Variants in GPR26 observed in about 807,000 individuals in gnomAD.
GPR26 encodes the protein G protein-coupled receptor 26.
GPR26 carries 15 observed loss-of-function variants against 23.1 expected under a neutral mutation model. The observed-to-expected ratio is 0.65, with a 90% CI of 0.43 to 1.00. The LOEUF (loss-of-function observed/expected upper bound fraction) is 1.00. GPR26 is among the 50% of genes least tolerant of loss of function. GPR26 has a pLI of 0.00. For missense variants in GPR26, 359 were observed against 470.5 expected (o/e 0.76, Z 2.19); for synonymous variants, 228 against 222.1 (o/e 1.03, Z -0.24).
intron 2 of GPR26, among the ~76,000 whole-genome samples, chr10:123,686,432 A>G (rs1845430851): frequency 6.6e-6 from 1 of 152,178 alleles, no homozygotes; most frequent in Non-Finnish European, 1.5e-5. Context: ...GAGGAGACAT[A>G]GCCACAGTCC....
In GPR26 at chr10:123,689,750, G is replaced by A. The variant is rs1204419414; in HGVS notation, c.*1590G>A. 6 of 152,290 alleles carry A rather than the reference G, an allele frequency of 3.9e-5. No homozygotes were observed. The highest frequency in any genetic ancestry group is 1.9e-4 in the East Asian group (1 of 5,186). The allele number at this position is 152,290 out of a possible 1,614,324, so 9.4% of individuals were successfully genotyped here. ...TATCTGCATCTTTATTTGAAAAGAC[G>A]TCTTATTAACTCTTAGCTCCTCAGT... On this transcript the variant is annotated 3_prime_UTR_variant, in exon 3 of 3. Transcript: ENST00000284674.
At chr10:123,672,942 G>C (rs149267510) in intron 1 of GPR26, among the ~76,000 whole-genome samples, 16 of 152,218 alleles carry the variant, frequency 1.1e-4, no homozygotes, top group Admixed American at 3.9e-4. Context: ...GGACCATGAT[G>C]ATATCAGTCC....
chr10:123,688,203 GAGA>G lies in GPR26; in HGVS notation c.*49_*51del, dbSNP rs758068433. 1 of 644,676 alleles carries G rather than the reference GAGA, an allele frequency of 1.6e-6. No individual in the cohort carries two copies. Among genetic ancestry groups the G allele is most frequent in the Non-Finnish European group, 2.7e-6 (1 of 376,114 alleles). The allele number at this position is 644,676 out of a possible 1,614,324, so 39.9% of individuals were successfully genotyped here. On this transcript the variant is annotated 3_prime_UTR_variant, in exon 3 of 3. Coordinates refer to ENST00000284674, the MANE Select transcript of GPR26 (RefSeq NM_153442.4). ...GAAGAGTTTAGAATGAGGCAGCGGTGAGAAGAAGGGTGGGAGGGCGTGGGGGCC... is the reference window on the plus strand; with the variant it reads ...GAAGAGTTTAGAATGAGGCAGCGGTGAGAAGGGTGGGAGGGCGTGGGGGCC...
At position 123,666,913 on chromosome 10, in the gene GPR26, T is replaced by A; in HGVS notation, c.506T>A (p.Phe169Tyr). The change falls in exon 1 of 3, where the codon TTC (phenylalanine) becomes TAC (tyrosine). Residue 169 changes from phenylalanine (F) to tyrosine (Y), a missense_variant. Transcript: ENST00000284674. The part of the protein sequence containing the change: ...CSRRPDERLR[F>Y]AVFTGAFHAL... ...CGGCGGCCAGACGAGCGCCTGCGCT[T>A]CGCCGTCTTCACTGGCGCCTTCCAC... 1.2e-6 allele frequency: 2 copies of A among 1,613,130 alleles called. No individual in the cohort carries two copies. The highest frequency in any genetic ancestry group is 1.1e-5 in the South Asian group (1 of 91,064).
chr10:123,679,524 G>A (rs973527860), intron 2 of GPR26, among the ~76,000 whole-genome samples: 8 of 152,294 alleles, frequency 5.3e-5, no homozygotes, highest in East Asian at 3.9e-4. Context: ...GCTTTAAGGC[G>A]CCTCAGATGA....
chr10:123,666,416 G>A lies in GPR26; in HGVS notation c.9G>A (p.Ser3=). 6.7e-7 allele frequency: 1 copy of A among 1,501,300 alleles called. No homozygotes were observed. Among genetic ancestry groups the A allele is most frequent in the Non-Finnish European group, 8.8e-7 (1 of 1,135,004 alleles). The allele number at this position is 1,501,300 out of a possible 1,614,324, so 93.0% of individuals were successfully genotyped here. ...GGCGCGGGGCGCGCACCATGAACTC[G>A]TGGGACGCGGGCCTGGCGGGGCTAC... MN[S]WDAGLAGLLV... The change falls in exon 1 of 3, where the codon TCG becomes TCA. Residue 3 remains serine, a synonymous_variant. Transcript: ENST00000284674.
rs1181430304 is a variant in GPR26, at chr10:123,693,435, C to G, written c.*5275C>G. 1 of 152,408 alleles carries G rather than the reference C, an allele frequency of 6.6e-6. No homozygotes were observed. Among genetic ancestry groups the G allele is most frequent in the African/African-American group, 2.4e-5 (1 of 41,436 alleles). 9.4% of individuals were successfully genotyped at this position (152,408 alleles called of 1,614,324 possible). A position where few individuals can be genotyped will look rare whatever the true frequency, so the allele number is the denominator to read the frequency against. ...GCCGGGAGAACTGACTTAGAGGGCC[C>G]TGGTGTTGGCTCTGGAACCTGGGCT... On this transcript the variant is annotated 3_prime_UTR_variant, in exon 3 of 3. Coordinates refer to ENST00000284674, the MANE Select transcript of GPR26 (RefSeq NM_153442.4).
At chr10:123,668,154 G>T (rs909916020) in intron 1 of GPR26, among the ~76,000 whole-genome samples, 1 of 152,140 alleles carries the variant, frequency 6.6e-6, no homozygotes, top group East Asian at 1.9e-4. Flanking sequence ...GGGGAGCCTC[G>T]GGGCAGAGGA....
intron 2 of GPR26, among the ~76,000 whole-genome samples, chr10:123,685,912 G>T (rs1392588080): frequency 6.6e-6 from 1 of 152,196 alleles, no homozygotes; most frequent in Non-Finnish European, 1.5e-5. Context: ...TACGGTTAGA[G>T]ATTGTACACA....
In GPR26 at chr10:123,688,046, G is replaced by GT; in HGVS notation, c.901dup (p.Tyr301LeufsTer37). 6.2e-7 allele frequency: 1 copy of GT among 1,614,068 alleles called. No homozygotes were observed. The highest frequency in any genetic ancestry group is 1.1e-5 in the South Asian group (1 of 91,086). On this transcript the variant is annotated frameshift_variant, in exon 3 of 3. Coordinates refer to ENST00000284674, the MANE Select transcript of GPR26 (RefSeq NM_153442.4). LOFTEE classifies it high-confidence loss of function. ...TTGTGTACTCCTTACTGCGACACCA[G>GT]TACCGCAAAAGCTGCAAGGAGATTC...
Position 123,666,938 on chromosome 10 carries a change from C to T in GPR26, c.531C>T (p.His177=), listed in dbSNP as rs1564728860. The change falls in exon 1 of 3, where the codon CAC becomes CAT. Residue 177 remains histidine (H), a synonymous_variant. Transcript: ENST00000284674. ...TCGCCGTCTTCACTGGCGCCTTCCA[C>T]GCTCTCAGCTTCCTGCTCTCCTTCG... is the stretch of plus-strand genomic sequence containing the variant. ...LRFAVFTGAF[H]ALSFLLSFVV... 3 of 1,613,704 alleles carry T rather than the reference C, an allele frequency of 1.9e-6. No homozygotes were observed. Among genetic ancestry groups the T allele is most frequent in the Non-Finnish European group, 2.5e-6 (3 of 1,179,970 alleles).
Position 123,695,992 on chromosome 10 carries a change from C to T in GPR26, c.*7832C>T, listed in dbSNP as rs1311707033. 1.3e-5 allele frequency among the ~76,000 whole-genome samples: 2 copies of T among 152,180 alleles called. No homozygotes were observed. Among genetic ancestry groups the T allele is most frequent in the Non-Finnish European group, 2.9e-5 (2 of 68,036 alleles). ...AAGGTGCCTTGCCTGATGCCCATTA[C>T]CACCTGGGGTGGTTTTTCTAGACAC... On this transcript the variant is annotated 3_prime_UTR_variant, in exon 3 of 3. Transcript: ENST00000284674.
At position 123,674,865 on chromosome 10, in the gene GPR26, C is replaced by A; in HGVS notation, c.716C>A (p.Ala239Asp). Residue 239 changes from alanine (A) to aspartate (D), a missense_variant, in exon 2 of 3, where the codon GCC (alanine) becomes GAC (aspartate). Ala to Asp is a moderately radical substitution (Grantham distance 126). Coordinates refer to ENST00000284674, the MANE Select transcript of GPR26 (RefSeq NM_153442.4). The surrounding 1 kb of genome is among the most constrained non-coding windows in gnomAD (Gnocchi z 4.1). Reference protein sequence around the residue: ...LEEQKRRRQRATKKISTFIGT... With the variant: ...LEEQKRRRQRDTKKISTFIGT... ...GAGCAGAAGCGGAGGCGACAGCGAGCCACCAAGAAGATCAGCACCTTCATA... is the reference window on the plus strand; with the variant it reads ...GAGCAGAAGCGGAGGCGACAGCGAGACACCAAGAAGATCAGCACCTTCATA... The A allele has an allele frequency of 6.2e-7, 1 of 1,613,564 alleles. No homozygotes were observed. The highest frequency in any genetic ancestry group is 8.5e-7 in the Non-Finnish European group (1 of 1,179,852).
intron 2 of GPR26, among the ~76,000 whole-genome samples, chr10:123,684,147 G>A (rs1056663341): frequency 3.9e-5 from 6 of 152,288 alleles, no homozygotes; most frequent in East Asian, 1.9e-4. Context: ...CGTTTCCCCC[G>A]AATGGAGCCT....
In GPR26 at chr10:123,691,542, G is replaced by C. The variant is rs1407215640; in HGVS notation, c.*3382G>C. 1.3e-5 allele frequency: 2 copies of C among 152,192 alleles called. No homozygotes were observed. Among genetic ancestry groups the C allele is most frequent in the Non-Finnish European group, 2.9e-5 (2 of 68,048 alleles). The allele number at this position is 152,192 out of a possible 1,614,324, so 9.4% of individuals were successfully genotyped here. ...CATGGCTACAGTGTGACCCTTGGAG[G>C]AACCAAAGGCTGTGCATTGTTAGAA... On this transcript the variant is annotated 3_prime_UTR_variant, in exon 3 of 3. Transcript: ENST00000284674.
At chr10:123,677,556 T>C (rs1050084355) in intron 2 of GPR26, among the ~76,000 whole-genome samples, 1 of 152,212 alleles carries the variant, frequency 6.6e-6, no homozygotes, top group Non-Finnish European at 1.5e-5. Context: ...GCACCTTTTC[T>C]GTGGAGCATA....
At chr10:123,677,612 T>C (rs1778804610) in intron 2 of GPR26, among the ~76,000 whole-genome samples, 1 of 151,994 alleles carries the variant, frequency 6.6e-6, no homozygotes, top group Non-Finnish European at 1.5e-5. Flanking sequence ...ACCCCGGGAG[T>C]TCCCCTCTGC....
At chr10:123,668,095 C>G (rs1163640685) in intron 1 of GPR26, among the ~76,000 whole-genome samples, 2 of 152,118 alleles carry the variant, frequency 1.3e-5, no homozygotes, top group African/African-American at 4.8e-5. Flanking sequence ...GCAGAGAGCT[C>G]TGACAGGGCC....
chr10:123,688,022 T>C lies in GPR26; in HGVS notation c.876T>C (p.Phe292=), dbSNP rs759773461. ...LAYSKAASDP[F]VYSLLRHQYR... Reference sequence around the variant, plus strand: ...ACAGCAAGGCCGCATCCGACCCCTTTGTGTACTCCTTACTGCGACACCAGT... The same window carrying C: ...ACAGCAAGGCCGCATCCGACCCCTTCGTGTACTCCTTACTGCGACACCAGT... The change falls in exon 3 of 3, where the codon TTT becomes TTC. Residue 292 remains phenylalanine, a synonymous_variant. Transcript: ENST00000284674. 2.5e-6 allele frequency: 4 copies of C among 1,613,926 alleles called. No homozygotes were observed. In the Admixed American group the frequency reaches 6.7e-5, roughly 27 times the overall value.
Sources: gnomAD v4.1 joint callset for allele counts (sites outside exome capture counted in the v4.1 genomes callset) on GRCh38, gnomAD v4.1.1 for gene constraint, Gnocchi (gnomAD v3.1) non-coding constraint, MANE v1.5 for transcripts, NCBI Gene and HGNC (gene_info 2026-07-23, HGNC 2026-07-21) for gene names.